CA8: variants seen among roughly 807,000 people sequenced by gnomAD.
The protein encoded by CA8 is carbonic anhydrase-related protein.
CA8 carries 22 observed loss-of-function variants against 41.4 expected under a neutral mutation model. The observed-to-expected ratio is 0.53, with a 90% CI of 0.38 to 0.76. The LOEUF is 0.76. Ranked by LOEUF, CA8 falls within the 30% of genes least tolerant of loss-of-function variation. The pLI, the probability that CA8 is intolerant of heterozygous loss-of-function variation, is 0.00. For synonymous variants in CA8, 121 were observed against 130.6 expected, an observed-to-expected ratio of 0.93 and a Z score of 0.50; for missense variants, 270 against 352.8, an observed-to-expected ratio of 0.77 and a Z score of 1.88.
In CA8 at chr8:60,266,025, T is replaced by C. The variant is rs368293349; in HGVS notation, c.317A>G (p.Gln106Arg). ...KSVLSGGPLP[Q>R]GHEFELYEVR... ...TTCGTACAGTTCAAATTCATGCCCT[T>C]GAGGCAATGGTCCTCCCGAAAGAAC... is the stretch of plus-strand genomic sequence containing the variant. Residue 106 changes from glutamine to arginine, a missense_variant, in exon 3 of 9, where the codon CAA becomes CGA. Gln to Arg is a conservative substitution (Grantham distance 43, BLOSUM62 1). Around this residue, in one of 3 missense-constraint regions of CA8, gnomAD observed 123 missense variants for 136.8 expected, o/e 0.90. Transcript: ENST00000317995. 66 of 1,613,676 alleles carry C rather than the reference T, an allele frequency of 4.1e-5. No individual in the cohort carries two copies. Among genetic ancestry groups the C allele is most frequent in the Non-Finnish European group, 5.4e-5 (64 of 1,179,706 alleles).
At chr8:60,231,244 C>T (rs115232098) in intron 4 of CA8, among the ~76,000 whole-genome samples, 2,852 of 152,120 alleles carry the variant, frequency 0.019, 96 homozygotes, top group African/African-American at 0.065. Flanking sequence ...ACCTGTGACA[C>T]CATGAAATAA....
chr8:60,223,485 G>A (rs1807319564), intron 6 of CA8, among the ~76,000 whole-genome samples: 1 of 152,072 alleles, frequency 6.6e-6, no homozygotes, highest in Admixed American at 6.6e-5. Context: ...TGAGAGCAAG[G>A]TCTGGCTATG....
At chr8:60,201,193 T>A (rs1377094452) in intron 8 of CA8, among the ~76,000 whole-genome samples, 1 of 152,154 alleles carries the variant, frequency 6.6e-6, no homozygotes, top group East Asian at 1.9e-4. Flanking sequence ...CAATATTGTA[T>A]ATGTTGAGTT....
intron 3 of CA8, among the ~76,000 whole-genome samples, chr8:60,233,443 A>G (rs1180622449): frequency 6.6e-6 from 1 of 152,202 alleles, no homozygotes; most frequent in Non-Finnish European, 1.5e-5. Context: ...TCTACCAATA[A>G]TAGAACAGAT....
intron 2 of CA8, among the ~76,000 whole-genome samples, chr8:60,266,494 T>G (rs1211609422): frequency 1.3e-5 from 2 of 152,324 alleles, no homozygotes; most frequent in Non-Finnish European, 2.9e-5. Flanking sequence ...GCTTCCAATT[T>G]AGCGAACGGG....
chr8:60,232,116 T>C (rs561304564), intron 4 of CA8, among the ~76,000 whole-genome samples, 168 bp downstream of exon 4: 1 of 152,354 alleles, frequency 6.6e-6, no homozygotes, highest in East Asian at 1.9e-4. Flanking sequence ...AATGAATATG[T>C]CTGAACTCCG....
Position 60,221,082 on chromosome 8 carries a change from T to C in CA8, c.738+1567A>G, listed in dbSNP as rs563721248. On this transcript the variant is annotated intron_variant, in intron 7 of 8. Coordinates refer to ENST00000317995, the MANE Select transcript of CA8 (RefSeq NM_004056.6). ...CCACTGACATTTTGAGGTTTATCTG[T>C]TGCAGCAGCCAACATCTTCGCTGTT... Among the ~76,000 whole-genome samples the C allele has an allele frequency of 1.8e-4, 28 of 152,376 alleles. 1 individual carries two copies. Among genetic ancestry groups the C allele is most frequent in the Admixed American group, 1.5e-3 (23 of 15,312 alleles).
At chr8:60,261,356 T>C (rs1170814185) in intron 3 of CA8, among the ~76,000 whole-genome samples, 2 of 152,128 alleles carry the variant, frequency 1.3e-5, no homozygotes, top group Non-Finnish European at 2.9e-5. Flanking sequence ...AGATGCTCTT[T>C]AAATACAATA....
intron 7 of CA8, among the ~76,000 whole-genome samples, chr8:60,221,358 T>TA (rs1212783600): frequency 2.0e-5 from 3 of 152,376 alleles, no homozygotes; most frequent in African/African-American, 7.2e-5. Context: ...GACTGTGTTT[T>TA]AATCTTGTTA....
rs886274095 is a variant in CA8, at chr8:60,202,369, T to C, written c.*35+6381A>G. ...ACTGGCCAGGACTCAGTTTCTTTAT[T>C]GATAAAATCTTCAAAAAGCAATGTC... On this transcript the variant is annotated intron_variant, in intron 8 of 8. Transcript: ENST00000317995. Among the ~76,000 whole-genome samples, 5 of 151,986 alleles carry C rather than the reference T, an allele frequency of 3.3e-5. No individual in the cohort carries two copies. The East Asian group carries it at 7.7e-4, about 23-fold the overall frequency.
In CA8 at chr8:60,209,057, G is replaced by GA. The variant is rs1458728946; in HGVS notation, c.739-139dup. On this transcript the variant is annotated intron_variant, in intron 7 of 8. Coordinates refer to ENST00000317995, the MANE Select transcript of CA8 (RefSeq NM_004056.6). ...GAAAATTAAAATTAAGCTTCAAAAA[G>GA]AAAAAAAACAGACTTAATTCTTCCA... 1,638 of 979,480 alleles carry GA rather than the reference G, an allele frequency of 1.7e-3. 15 individuals are homozygous for GA. The highest frequency in any genetic ancestry group is 0.015 in the Middle Eastern group (56 of 3,730). 60.7% of individuals were successfully genotyped at this position (979,480 alleles called of 1,614,324 possible).
Position 60,281,150 on chromosome 8 carries a change from G to T in CA8, c.-3C>A. On this transcript the variant is annotated 5_prime_UTR_variant, in exon 1 of 9. Transcript: ENST00000317995. ...TCGATGAAGCTCAGGTCCGCCATGG[G>T]AAGGCCGCGGGGCCCCTCGGCGCTC... 6.4e-7 allele frequency: 1 copy of T among 1,554,660 alleles called. No individual in the cohort carries two copies. The highest frequency in any genetic ancestry group is 8.7e-7 in the Non-Finnish European group (1 of 1,150,816).
At chr8:60,198,373 C>T (rs1806336703) in intron 8 of CA8, among the ~76,000 whole-genome samples, 1 of 151,910 alleles carries the variant, frequency 6.6e-6, no homozygotes, top group Non-Finnish European at 1.5e-5. Flanking sequence ...ATATGTGTAA[C>T]TTAGAATGAA....
chr8:60,185,936 T>C lies in CA8; in HGVS notation c.*4085A>G, dbSNP rs554765307. Reference sequence around the variant, plus strand: ...ATTTCTTCCTTCTCTTAAAGAGCAATTGTATAAAATATCATGTAATTATGC... The same window carrying C: ...ATTTCTTCCTTCTCTTAAAGAGCAACTGTATAAAATATCATGTAATTATGC... On this transcript the variant is annotated 3_prime_UTR_variant, in exon 9 of 9. Coordinates refer to ENST00000317995, the MANE Select transcript of CA8 (RefSeq NM_004056.6). Among the ~76,000 whole-genome samples, 45 of 151,908 alleles carry C rather than the reference T, an allele frequency of 3.0e-4. No individual in the cohort carries two copies. The highest frequency in any genetic ancestry group is 1.1e-3 in the African/African-American group (44 of 41,492).
At chr8:60,273,269 T>G (rs1804126865) in intron 2 of CA8, among the ~76,000 whole-genome samples, 3 of 152,258 alleles carry the variant, frequency 2.0e-5, no homozygotes, top group Admixed American at 6.5e-5. Flanking sequence ...TTGTTCTAAA[T>G]ATGTCCAGAG....
At position 60,260,561 on chromosome 8, in the gene CA8, C is replaced by A. The variant is rs11988472; in HGVS notation, c.417+5364G>T. The stretch of plus-strand genomic sequence containing the variant: ...CAAAAAGAGCACCATAGAGGATAAT[C>A]CTTAAATGAAATATTTAATTAACCA... On this transcript the variant is annotated intron_variant, in intron 3 of 8. Coordinates refer to ENST00000317995, the MANE Select transcript of CA8 (RefSeq NM_004056.6). 4.7e-3 allele frequency among the ~76,000 whole-genome samples: 714 copies of A among 152,320 alleles called. 7 individuals carry two copies. The highest frequency in any genetic ancestry group is 0.016 in the African/African-American group (662 of 41,572).
intron 4 of CA8, among the ~76,000 whole-genome samples, chr8:60,230,446 C>T (rs759395763): frequency 6.6e-6 from 1 of 152,164 alleles, no homozygotes; most frequent in Non-Finnish European, 1.5e-5. Flanking sequence ...CAGTTATTGC[C>T]CCATCTGTCC....
intron 7 of CA8, among the ~76,000 whole-genome samples, chr8:60,213,174 G>A (rs1388554826): frequency 6.6e-6 from 1 of 152,100 alleles, no homozygotes; most frequent in Non-Finnish European, 1.5e-5. Context: ...CTCTCACTCT[G>A]TCATGACTCT....
At chr8:60,280,195 A>T (rs1804365764) in intron 1 of CA8, among the ~76,000 whole-genome samples, 1 of 152,164 alleles carries the variant, frequency 6.6e-6, no homozygotes, top group South Asian at 2.1e-4. Context: ...ATACCAGAAC[A>T]ATTTCTTCTG....
Sources: gnomAD v4.1 joint callset for allele counts (sites outside exome capture counted in the v4.1 genomes callset) on GRCh38, gnomAD v4.1.1 for gene constraint, gnomAD v4.1.1 regional missense constraint, MANE v1.5 for transcripts, NCBI Gene and HGNC (gene_info 2026-07-23, HGNC 2026-07-21) for gene names.